Variants in SORCS1 observed in about 807,000 individuals in gnomAD.
SORCS1 encodes VPS10 domain-containing receptor SorCS1.
In SORCS1, 60 loss-of-function variants were observed where a neutral mutation model predicts 146.1. The observed-to-expected ratio is 0.41, with a 90% CI of 0.33 to 0.51. The LOEUF (loss-of-function observed/expected upper bound fraction) is 0.51, where lower values mean the gene tolerates loss of function less well. Ranked by LOEUF, SORCS1 falls within the 20% of genes least tolerant of loss-of-function variation. SORCS1 has a pLI of 0.21. For missense variants in SORCS1, 1,352 were observed against 1,487.6 expected, an observed-to-expected ratio of 0.91 and a Z score of 1.50; for synonymous variants, 637 against 584.0, an observed-to-expected ratio of 1.09 and a Z score of -1.31.
intron 17 of SORCS1, among the ~76,000 whole-genome samples, chr10:106,655,592 C>T (rs1368042018): frequency 6.6e-6 from 1 of 152,154 alleles, no homozygotes; most frequent in African/African-American, 2.4e-5. Context: ...CCTGCAATAA[C>T]AGGAGTTCTG....
intron 2 of SORCS1, among the ~76,000 whole-genome samples, chr10:106,913,837 GA>G (rs1952282136): frequency 6.6e-6 from 1 of 152,206 alleles, no homozygotes; most frequent in South Asian, 2.1e-4. Flanking sequence ...TGAGGGACAG[GA>G]GCCTAAGAAA....
At chr10:106,735,204 A>G (rs1856865942) in intron 5 of SORCS1, among the ~76,000 whole-genome samples, 1 of 152,124 alleles carries the variant, frequency 6.6e-6, no homozygotes, top group African/African-American at 2.4e-5. Context: ...GAAATGATCT[A>G]TCAAAATTAT....
Position 106,607,313 on chromosome 10 carries a change from AG to A in SORCS1, c.3034-17del. The A allele has an allele frequency of 6.2e-7, 1 of 1,613,470 alleles. No homozygotes were observed. ...CCCCTGTGGCCTGAGGGACAGACAC[AG>A]GGGCTCACATTAGTGCTGCAGAGAA... On this transcript the variant is annotated splice_polypyrimidine_tract_variant and intron_variant, in intron 22 of 25. Transcript: ENST00000263054.
chr10:106,785,132 G>A (rs943879218), intron 3 of SORCS1, among the ~76,000 whole-genome samples: 4 of 152,172 alleles, frequency 2.6e-5, no homozygotes, highest in African/African-American at 9.7e-5. Flanking sequence ...AACAGCCAAT[G>A]CTGGCAGGAG....
chr10:106,912,104 C>A (rs1210137163), intron 2 of SORCS1, among the ~76,000 whole-genome samples: 1 of 137,886 alleles, frequency 7.3e-6, no homozygotes, highest in African/African-American at 2.8e-5. Context: ...CAGATTGAGC[C>A]TCCGTCTCAA....
chr10:106,853,710 T>C (rs1465559264), intron 2 of SORCS1, among the ~76,000 whole-genome samples: 2 of 152,104 alleles, frequency 1.3e-5, no homozygotes, highest in Non-Finnish European at 2.9e-5. Context: ...TTTTCTTTGA[T>C]CGATGTGATA....
intron 1 of SORCS1, among the ~76,000 whole-genome samples, chr10:107,089,747 A>G (rs1431879035): frequency 2.0e-5 from 3 of 152,242 alleles, no homozygotes; most frequent in East Asian, 1.9e-4. Flanking sequence ...AATGAATACA[A>G]TGATATTTGT....
intron 3 of SORCS1, among the ~76,000 whole-genome samples, chr10:106,792,859 CT>C (rs1222733717): frequency 6.6e-6 from 1 of 151,784 alleles, no homozygotes; most frequent in East Asian, 1.9e-4. Context: ...TTTTAGAATC[CT>C]TTTTTAGGCC....
chr10:106,795,161 T>C (rs1367225772), intron 3 of SORCS1, among the ~76,000 whole-genome samples: 2 of 152,352 alleles, frequency 1.3e-5, no homozygotes, highest in Middle Eastern at 3.4e-3. Context: ...ATTTGGGGGA[T>C]ACCAGAATGC....
chr10:107,166,488 C>T (rs1298863537), upstream of SORCS1, among the ~76,000 whole-genome samples: 1 of 152,086 alleles, frequency 6.6e-6, no homozygotes, highest in East Asian at 1.9e-4. Flanking sequence ...TCCTGTTTGT[C>T]GTTAAAGAAG....
At position 106,850,304 on chromosome 10, in the gene SORCS1, G is replaced by T. The variant is rs942527438; in HGVS notation, c.627-20631C>A. On this transcript the variant is annotated intron_variant, in intron 2 of 25. Transcript: ENST00000263054. ...AGTCTCGTGGTGCGCCGTGTTTTAAGCCGGTCTGAAAAGCGCAATATTCGG... is the reference window on the plus strand; with the variant it reads ...AGTCTCGTGGTGCGCCGTGTTTTAATCCGGTCTGAAAAGCGCAATATTCGG... Among the ~76,000 whole-genome samples the T allele has an allele frequency of 3.4e-3, 518 of 152,272 alleles. 5 individuals are homozygous for T. The highest frequency in any genetic ancestry group is 0.012 in the African/African-American group (506 of 41,562).
rs570118920 is a variant in SORCS1 at position 107,013,562 on chromosome 10, A to G, written c.559-56982T>C. 6.6e-5 allele frequency among the ~76,000 whole-genome samples: 10 copies of G among 152,236 alleles called. 1 individual carries two copies. Among genetic ancestry groups the G allele is most frequent in the African/African-American group, 2.4e-4 (10 of 41,528 alleles). On this transcript the variant is annotated intron_variant, in intron 1 of 25. Transcript: ENST00000263054. ...CTGCAGTATCAGTAGGATTAACATC[A>G]ATAATGGGGCTGTCTTTGTATTTAC...
chr10:106,862,365 G>A (rs1468818813), intron 2 of SORCS1, among the ~76,000 whole-genome samples: 1 of 152,026 alleles, frequency 6.6e-6, no homozygotes, highest in Non-Finnish European at 1.5e-5. Flanking sequence ...GCCTATTTGT[G>A]CATATCATTA....
intron 23 of SORCS1, among the ~76,000 whole-genome samples, chr10:106,598,236 A>ATATTATTATTATTATTAT (rs10579142): frequency 7.8e-4 from 109 of 140,474 alleles, no homozygotes; most frequent in African/African-American, 2.3e-3. Context: ...CACTCCTATT[A>ATATTATTATTATTATTAT]TATTATTATT....
intron 1 of SORCS1, among the ~76,000 whole-genome samples, chr10:107,047,491 A>G (rs1165544971): frequency 2.6e-5 from 4 of 152,162 alleles, no homozygotes; most frequent in African/African-American, 7.2e-5. Context: ...ATTATTAGGC[A>G]TGGTATCTAT....
chr10:106,906,551 A>G (rs1951916673), intron 2 of SORCS1, among the ~76,000 whole-genome samples: 1 of 152,192 alleles, frequency 6.6e-6, no homozygotes, highest in Admixed American at 6.5e-5. Flanking sequence ...AGAAACACCT[A>G]ATAAACCCAT....
At chr10:106,842,339 T>C (rs974422892) in intron 2 of SORCS1, among the ~76,000 whole-genome samples, 1 of 152,162 alleles carries the variant, frequency 6.6e-6, no homozygotes, top group Non-Finnish European at 1.5e-5. Context: ...GTTCAAGTGA[T>C]TCTCCTGCCT....
At chr10:107,072,647 GGA>G (rs886592274) in intron 1 of SORCS1, among the ~76,000 whole-genome samples, 5 of 150,388 alleles carry the variant, frequency 3.3e-5, no homozygotes, top group African/African-American at 1.2e-4. Flanking sequence ...ATGGCGAGAG[GGA>G]GAGAGAGAAC....
At position 106,679,665 on chromosome 10, in the gene SORCS1, T is replaced by C; in HGVS notation, c.1630A>G (p.Lys544Glu). ...NPYTSGIIASKDTAPSIIVAS... is the reference protein window; with the variant it reads ...NPYTSGIIASEDTAPSIIVAS... ...ACTATGATGCTTGGAGCTGTGTCTTTGCTGGCAATGATCCCTGATGTGTAG... is the reference window on the plus strand; with the variant it reads ...ACTATGATGCTTGGAGCTGTGTCTTCGCTGGCAATGATCCCTGATGTGTAG... Residue 544 changes from lysine (K) to glutamate (E), a missense_variant, in exon 11 of 26, where the codon AAA becomes GAA. By Grantham distance (56) the Lys-to-Glu change is moderately conservative. Around this residue, in one of 3 missense-constraint regions of SORCS1, gnomAD observed 648 missense variants for 793.8 expected, o/e 0.82. Coordinates refer to ENST00000263054, the MANE Select transcript of SORCS1 (RefSeq NM_052918.5). 6.2e-7 allele frequency: 1 copy of C among 1,612,842 alleles called. No individual in the cohort carries two copies. Among genetic ancestry groups the C allele is most frequent in the Non-Finnish European group, 8.5e-7 (1 of 1,179,372 alleles).
Sources: allele counts gnomAD v4.1 joint callset (sites outside exome capture counted in the v4.1 genomes callset), GRCh38; gene constraint gnomAD v4.1.1; regional missense constraint gnomAD v4.1.1; transcripts MANE v1.5; gene names NCBI Gene and HGNC (gene_info 2026-07-23, HGNC 2026-07-21).